Variants in ZRANB3 observed in about 807,000 individuals in gnomAD.
ZRANB3 encodes the protein zinc finger RANBP2-type containing 3.
A neutral mutation model predicts 133.8 loss-of-function variants in ZRANB3; 125 were observed. The ratio of observed to expected loss-of-function variants is 0.93; its 90% confidence interval spans 0.81 to 1.08. The LOEUF (loss-of-function observed/expected upper bound fraction) is 1.08, where lower values mean the gene tolerates loss of function less well. Ranked by LOEUF, ZRANB3 falls within the 50% of genes least tolerant of loss-of-function variation. ZRANB3 has a pLI of 0.00. For missense variants in ZRANB3, 1,229 were observed against 1,275.5 expected, an observed-to-expected ratio of 0.96 and a Z score of 0.56; for synonymous variants, 387 against 432.7, an observed-to-expected ratio of 0.89 and a Z score of 1.31.
chr2:135,281,715 T>G (rs1681109719), intron 8 of ZRANB3, among the ~76,000 whole-genome samples: 1 of 152,210 alleles, frequency 6.6e-6, no homozygotes, highest in African/African-American at 2.4e-5. Flanking sequence ...TCACATACCA[T>G]AAAATTCACT....
chr2:135,364,220 T>TA (rs998036437), intron 3 of ZRANB3, among the ~76,000 whole-genome samples: 2 of 152,282 alleles, frequency 1.3e-5, no homozygotes, highest in East Asian at 3.9e-4. Context: ...ATAACTACTA[T>TA]AATGATTAAA....
chr2:135,216,259 C>T (rs1694306024), intron 17 of ZRANB3, among the ~76,000 whole-genome samples: 1 of 152,086 alleles, frequency 6.6e-6, no homozygotes, highest in African/African-American at 2.4e-5. Flanking sequence ...CGGTCCCTTG[C>T]TCCCCTCCAA....
At position 135,511,271 on chromosome 2, in the gene ZRANB3, A is replaced by G. The variant is rs949106851; in HGVS notation, c.-7-6775T>C. The G allele has an allele frequency of 1.4e-5, 14 of 1,024,392 alleles. No individual in the cohort carries two copies. The Admixed American group carries it at 1.7e-4, about 12-fold the overall frequency. The allele number at this position is 1,024,392 out of a possible 1,614,324, so 63.5% of individuals were successfully genotyped here. ...GAGAAGAACTCTTCTGAGCATCCTCAGGAGCAGTTTCTTCTAATACTAGCT... is the reference window on the plus strand; with the variant it reads ...GAGAAGAACTCTTCTGAGCATCCTCGGGAGCAGTTTCTTCTAATACTAGCT... On this transcript the variant is annotated intron_variant, in intron 1 of 20. Coordinates refer to ENST00000264159, the MANE Select transcript of ZRANB3 (RefSeq NM_032143.4).
chr2:135,454,424 C>CT (rs1690405083), intron 2 of ZRANB3, among the ~76,000 whole-genome samples: 1 of 149,172 alleles, frequency 6.7e-6, no homozygotes, highest in Non-Finnish European at 1.5e-5. Flanking sequence ...CTTTTTAAAT[C>CT]TTTAATTTTT....
At chr2:135,469,597 G>A (rs1480163802) in intron 2 of ZRANB3, among the ~76,000 whole-genome samples, 1 of 152,148 alleles carries the variant, frequency 6.6e-6, no homozygotes, top group Non-Finnish European at 1.5e-5. Context: ...TTGAAAGTTT[G>A]TTAGATTTCT....
chr2:135,388,410 G>T (rs1687076354), intron 3 of ZRANB3, among the ~76,000 whole-genome samples: 1 of 152,098 alleles, frequency 6.6e-6, no homozygotes, highest in African/African-American at 2.4e-5. Context: ...TAGATTTAAG[G>T]TGCATCTAGA....
chr2:135,256,933 C>T (rs866891989), intron 12 of ZRANB3, among the ~76,000 whole-genome samples: 14 of 152,166 alleles, frequency 9.2e-5, no homozygotes, highest in South Asian at 8.3e-4. Context: ...TCATTATATG[C>T]TAATTATAAT....
intron 8 of ZRANB3, among the ~76,000 whole-genome samples, chr2:135,280,807 T>G (rs1019799604): frequency 6.6e-6 from 1 of 152,212 alleles, no homozygotes; most frequent in African/African-American, 2.4e-5. Context: ...AGACTCTCCT[T>G]TGACCTAACT....
chr2:135,202,268 G>C (rs1303410209), intron 20 of ZRANB3, among the ~76,000 whole-genome samples: 3 of 152,144 alleles, frequency 2.0e-5, no homozygotes, highest in Non-Finnish European at 4.4e-5. Context: ...ATCTCAGCAG[G>C]TAAATCCCAC....
At chr2:135,365,959 A>C (rs1189097025) in intron 3 of ZRANB3, among the ~76,000 whole-genome samples, 1 of 152,250 alleles carries the variant, frequency 6.6e-6, no homozygotes, top group East Asian at 1.9e-4. Flanking sequence ...AGTAAAATAA[A>C]TAAATAAAGA....
At chr2:135,376,907 T>C (rs1686454462) in intron 3 of ZRANB3, among the ~76,000 whole-genome samples, 1 of 152,262 alleles carries the variant, frequency 6.6e-6, no homozygotes, top group South Asian at 2.1e-4. Context: ...AATGTATATG[T>C]ATTACAAATG....
At chr2:135,201,581 G>A (rs1285920801) in intron 20 of ZRANB3, among the ~76,000 whole-genome samples, 1 of 151,376 alleles carries the variant, frequency 6.6e-6, no homozygotes, top group African/African-American at 2.4e-5. Context: ...TTGAACCCGG[G>A]AGGCAGAGGT....
At chr2:135,206,023 T>C (rs773365791) in intron 19 of ZRANB3, among the ~76,000 whole-genome samples, 1 of 152,012 alleles carries the variant, frequency 6.6e-6, no homozygotes, top group Non-Finnish European at 1.5e-5. Context: ...ACTGAGAAAA[T>C]TGGGGGAACA....
intron 12 of ZRANB3, among the ~76,000 whole-genome samples, chr2:135,232,906 C>T (rs943928428): frequency 7.2e-5 from 11 of 152,304 alleles, no homozygotes; most frequent in East Asian, 1.9e-4. Context: ...TCCAAAGGAA[C>T]GAGCTCCTCA....
At chr2:135,275,817 C>A in intron 8 of ZRANB3, 62 bp from the exon 9 acceptor site, 1 of 1,287,308 alleles carries the variant, frequency 7.8e-7, no homozygotes, top group Non-Finnish European at 1.0e-6. Flanking sequence ...ATTTATGTCA[C>A]TTTTAATAAA....
intron 2 of ZRANB3, among the ~76,000 whole-genome samples, chr2:135,495,786 T>C (rs959026484): frequency 9.2e-5 from 14 of 152,224 alleles, no homozygotes; most frequent in Non-Finnish European, 1.6e-4. Context: ...GGTAATGTTT[T>C]ATATCTTGAC....
intron 2 of ZRANB3, among the ~76,000 whole-genome samples, chr2:135,436,697 T>C (rs954429088): frequency 6.6e-6 from 1 of 152,104 alleles, no homozygotes; most frequent in Non-Finnish European, 1.5e-5. Context: ...CCCAAAACAA[T>C]GTACAGGTTC....
chr2:135,304,578 A>T (rs1682587113), intron 8 of ZRANB3, among the ~76,000 whole-genome samples: 1 of 152,040 alleles, frequency 6.6e-6, no homozygotes, highest in African/African-American at 2.4e-5. Flanking sequence ...TTTGGGAGGT[A>T]TTTCTCTTTC....
At chr2:135,461,788 TTGTC>T (rs1690777968) in intron 2 of ZRANB3, among the ~76,000 whole-genome samples, 1 of 152,214 alleles carries the variant, frequency 6.6e-6, no homozygotes, top group Middle Eastern at 3.2e-3. Context: ...TTCTGCCACT[TTGTC>T]TGAGAAACCT....
Sources: allele counts gnomAD v4.1 joint callset (sites outside exome capture counted in the v4.1 genomes callset), GRCh38; gene constraint gnomAD v4.1.1; transcripts MANE v1.5; gene names NCBI Gene and HGNC (gene_info 2026-07-23, HGNC 2026-07-21).